The following LRIG1 variants were observed in gnomAD, a reference collection of about 807,000 sequenced individuals.
LRIG1 encodes the protein leucine rich repeats and immunoglobulin like domains 1.
A neutral mutation model predicts 99.2 loss-of-function variants in LRIG1; 48 were observed. The observed-to-expected ratio is 0.48, with a 90% confidence interval of 0.38 to 0.62. The LOEUF (loss-of-function observed/expected upper bound fraction) is 0.62, where lower values mean the gene tolerates loss of function less well. Ranked by LOEUF, LRIG1 falls within the 20% of genes least tolerant of loss-of-function variation. LRIG1 has a pLI of 0.00. For missense variants in LRIG1, 1,646 were observed against 1,434.4 expected (o/e 1.15, Z -2.38); for synonymous variants, 772 against 596.1 (o/e 1.29, Z -4.30).
intron 1 of LRIG1, chr3:66,498,236 T>C (rs996559875): frequency 2.6e-5 from 4 of 152,294 alleles, no homozygotes; most frequent in Admixed American, 2.0e-4. Context: ...ATACCCACTT[T>C]GGTATTTCTC....
intron 12 of LRIG1, chr3:66,388,106 CAAAAAAAAAA>C (rs34227936): frequency 7.5e-5 from 4 of 53,642 alleles, no homozygotes; most frequent in Non-Finnish European, 1.2e-4. Context: ...GACTCTGTCT[CAAAAAAAAAA>C]AAAAAAAAAA....
chr3:66,428,437 C>T (rs1007831269), intron 3 of LRIG1, among the ~76,000 whole-genome samples: 8 of 151,898 alleles, frequency 5.3e-5, no homozygotes, highest in African/African-American at 1.9e-4. Context: ...TTCAGGTGTC[C>T]AGTAGAATTT....
chr3:66,471,674 C>T (rs1700598794), intron 1 of LRIG1, among the ~76,000 whole-genome samples: 1 of 152,196 alleles, frequency 6.6e-6, no homozygotes, highest in Non-Finnish European at 1.5e-5. Flanking sequence ...AAACCACGCT[C>T]TACTGCGGCA....
chr3:66,382,711 C>T (rs1325539269), intron 15 of LRIG1, among the ~76,000 whole-genome samples: 8 of 152,230 alleles, frequency 5.3e-5, no homozygotes, highest in Admixed American at 3.9e-4. Flanking sequence ...AGGGCCTGTG[C>T]ATAGGCGGCC....
intron 2 of LRIG1, among the ~76,000 whole-genome samples, chr3:66,455,634 T>TA (rs1700198090): frequency 6.6e-6 from 1 of 152,222 alleles, no homozygotes; most frequent in African/African-American, 2.4e-5. Context: ...GAGCTGCAAT[T>TA]AATAGTAGTC....
chr3:66,415,078 A>G lies in LRIG1; in HGVS notation c.504-15T>C. 1 of 1,585,326 alleles carries G rather than the reference A, an allele frequency of 6.3e-7. No homozygotes were observed. The highest frequency in any genetic ancestry group is 8.6e-7 in the Non-Finnish European group (1 of 1,167,426). On this transcript the variant is annotated splice_polypyrimidine_tract_variant and intron_variant, in intron 4 of 18. Coordinates refer to ENST00000273261, the MANE Select transcript of LRIG1 (RefSeq NM_015541.3). ...CTGCCAGGTTGCTGGAATGATTCAG[A>G]AAAGAAAATGTGGTGGTTGGTCAAA...
chr3:66,418,960 G>A (rs951630730), intron 3 of LRIG1, among the ~76,000 whole-genome samples: 1 of 152,008 alleles, frequency 6.6e-6, no homozygotes. Flanking sequence ...TCTTTATTAA[G>A]TTCTTTAATA....
chr3:66,477,529 A>G (rs1473244032), intron 1 of LRIG1, among the ~76,000 whole-genome samples: 1 of 152,212 alleles, frequency 6.6e-6, no homozygotes, highest in Non-Finnish European at 1.5e-5. Flanking sequence ...ATGGAGCAGT[A>G]GGTAGGGCTG....
At chr3:66,386,368 A>T in intron 12 of LRIG1, 67 bp from the exon 13 acceptor site, 1 of 1,365,490 alleles carries the variant, frequency 7.3e-7, no homozygotes. Context: ...GCTGCTGTTC[A>T]TGCTAACAGA....
At chr3:66,409,485 G>A (rs1414881579) in intron 7 of LRIG1, among the ~76,000 whole-genome samples, 9 of 152,196 alleles carry the variant, frequency 5.9e-5, no homozygotes, top group Non-Finnish European at 1.0e-4. Context: ...TGGGACCCCT[G>A]TCTGGAAATC....
At chr3:66,470,456 G>A (rs1430624427) in intron 1 of LRIG1, among the ~76,000 whole-genome samples, 1 of 152,254 alleles carries the variant, frequency 6.6e-6, no homozygotes, top group South Asian at 2.1e-4. Context: ...GGAGGGCATG[G>A]AGTAAAATAA....
intron 13 of LRIG1, among the ~76,000 whole-genome samples, chr3:66,384,833 G>A (rs1427941049): frequency 6.6e-6 from 1 of 152,192 alleles, no homozygotes; most frequent in Non-Finnish European, 1.5e-5. Flanking sequence ...AAAGATCGAT[G>A]TCCTGACAGA....
At chr3:66,434,636 T>C (rs6778320) in intron 3 of LRIG1, among the ~76,000 whole-genome samples, 2,502 of 151,822 alleles carry the variant, frequency 0.016, 76 homozygotes, top group African/African-American at 0.057. Flanking sequence ...AATCCCAGCT[T>C]CTGGGGAGGC....
chr3:66,479,394 A>C (rs1215321931), intron 1 of LRIG1, among the ~76,000 whole-genome samples: 1 of 152,224 alleles, frequency 6.6e-6, no homozygotes, highest in Non-Finnish European at 1.5e-5. Context: ...CTTTCCTGCC[A>C]CATTTTCTTT....
chr3:66,481,605 G>A (rs755337990), intron 1 of LRIG1, among the ~76,000 whole-genome samples: 5 of 152,116 alleles, frequency 3.3e-5, no homozygotes, highest in Non-Finnish European at 7.4e-5. Context: ...TATTCCCCAT[G>A]GCAAAGGAGC....
rs754658428 is a variant in LRIG1 at position 66,381,589 on chromosome 3, G to A, written c.2660C>T (p.Thr887Ile). 1 of 1,614,124 alleles carries A rather than the reference G, an allele frequency of 6.2e-7. No homozygotes were observed. Among genetic ancestry groups the A allele is most frequent in the Admixed American group, 1.7e-5 (1 of 60,028 alleles). Residue 887 changes from threonine to isoleucine, a missense_variant, in exon 17 of 19, where the codon ACT becomes ATT. Transcript: ENST00000273261. ...TGGCTGCCTGCAGGCAACGCTGTGAGTGTCGGGCTCTGGAAAGTGGCTTGC... is the reference window on the plus strand; with the variant it reads ...TGGCTGCCTGCAGGCAACGCTGTGAATGTCGGGCTCTGGAAAGTGGCTTGC... ...RDASHFPEPD[T>I]HSVACRQPKL...
At chr3:66,464,540 T>C (rs1700428172) in intron 1 of LRIG1, among the ~76,000 whole-genome samples, 1 of 151,522 alleles carries the variant, frequency 6.6e-6, no homozygotes, top group African/African-American at 2.4e-5. Context: ...ATTTCACATA[T>C]CTGCAGGCCC....
chr3:66,438,631 G>A (rs1703440474), intron 3 of LRIG1, among the ~76,000 whole-genome samples: 1 of 152,216 alleles, frequency 6.6e-6, no homozygotes, highest in Non-Finnish European at 1.5e-5. Flanking sequence ...AGGAAGGGAT[G>A]TTTCCTCCCA....
At chr3:66,478,290 G>A (rs752174848) in intron 1 of LRIG1, among the ~76,000 whole-genome samples, 19 of 152,200 alleles carry the variant, frequency 1.2e-4, no homozygotes, top group Non-Finnish European at 2.1e-4. Flanking sequence ...CCCCAATGGG[G>A]CAGAAAATAA....
Sources: allele counts gnomAD v4.1 joint callset (sites outside exome capture counted in the v4.1 genomes callset), GRCh38; gene constraint gnomAD v4.1.1; transcripts MANE v1.5; gene names NCBI Gene and HGNC (gene_info 2026-07-23, HGNC 2026-07-21).